The following AJAP1 variants were observed in gnomAD, a reference collection of about 807,000 sequenced individuals.
AJAP1 encodes the protein adherens junctions associated protein 1.
AJAP1 carries 5 observed loss-of-function variants against 35.0 expected under a neutral mutation model. The observed-to-expected ratio is 0.14, with a 90% CI of 0.07 to 0.30. AJAP1 has a LOEUF of 0.30. Among genes scored for constraint, AJAP1 ranks in the 10% least tolerant of loss-of-function variants. The pLI is 1.00. For missense variants in AJAP1, 586 were observed against 571.0 expected (o/e 1.03, Z -0.27); for synonymous variants, 284 against 249.3 (o/e 1.14, Z -1.31).
intron 2 of AJAP1, among the ~76,000 whole-genome samples, chr1:4,730,088 C>G (rs1458969893): frequency 6.6e-6 from 1 of 152,198 alleles, no homozygotes; most frequent in Non-Finnish European, 1.5e-5. Context: ...AGGTCCACAG[C>G]GTCCGCAGAG....
intron 2 of AJAP1, among the ~76,000 whole-genome samples, chr1:4,732,560 C>G (rs1354781101): frequency 6.6e-6 from 1 of 152,270 alleles, no homozygotes; most frequent in African/African-American, 2.4e-5. Flanking sequence ...CAGAATTGCA[C>G]TCTGCCTACA....
chr1:4,787,578 T>C lies in AJAP1; in HGVS notation c.*5093T>C. 1 of 420,554 alleles carries C rather than the reference T, an allele frequency of 2.4e-6. No homozygotes were observed. Among genetic ancestry groups the C allele is most frequent in the South Asian group, 1.7e-5 (1 of 58,984 alleles). The allele number at this position is 420,554 out of a possible 1,614,324, so 26.1% of individuals were successfully genotyped here. On this transcript the variant is annotated 3_prime_UTR_variant, in exon 6 of 6. Coordinates refer to ENST00000378191, the MANE Select transcript of AJAP1 (RefSeq NM_018836.4). ...GGTTCTCCACCAAATTCCTCTGTCA[T>C]TCCAGCAAGAGTGGAAGCAGAGGGG...
rs975906037 is a variant in AJAP1 at position 4,771,939 on chromosome 1, G to A, written c.918-341G>A. Among the ~76,000 whole-genome samples the A allele has an allele frequency of 4.6e-5, 7 of 152,222 alleles. No individual in the cohort carries two copies. The East Asian group carries it at 9.7e-4, about 21-fold the overall frequency. On this transcript the variant is annotated intron_variant, in intron 3 of 5. Coordinates refer to ENST00000378191, the MANE Select transcript of AJAP1 (RefSeq NM_018836.4). The stretch of plus-strand genomic sequence containing the variant: ...GACCCACCACAGCTTTTATCCCGTC[G>A]AGGCGTTCGTGGGGAAACTGAGTCA...
chr1:4,712,295 C>T lies in AJAP1; in HGVS notation c.425C>T (p.Ala142Val), dbSNP rs775807539. 14 of 1,495,912 alleles carry T rather than the reference C, an allele frequency of 9.4e-6. No individual in the cohort carries two copies. In the East Asian group the frequency reaches 2.2e-4, roughly 23 times the overall value. 92.7% of individuals were successfully genotyped at this position (1,495,912 alleles called of 1,614,324 possible). A position where few individuals can be genotyped will look rare whatever the true frequency, so the allele number is the denominator to read the frequency against. The change falls in exon 2 of 6, where the codon GCC becomes GTC. Residue 142 changes from alanine to valine, a missense_variant. Transcript: ENST00000378191. ...TCCTCGTCCTCGTCCTCCGCGGTGGCCGGTGGGGCCCCGGAGCAGCAGGCC... is the reference window on the plus strand; with the variant it reads ...TCCTCGTCCTCGTCCTCCGCGGTGGTCGGTGGGGCCCCGGAGCAGCAGGCC... Reference protein sequence around the residue: ...SSSSSSSSAVAGGAPEQQALL... With the variant: ...SSSSSSSSAVVGGAPEQQALL...
intron 2 of AJAP1, among the ~76,000 whole-genome samples, chr1:4,742,239 C>A (rs139480420): frequency 2.0e-4 from 30 of 152,286 alleles, no homozygotes; most frequent in Middle Eastern, 3.4e-3. Context: ...CAAGTCACCC[C>A]CTCTCCAGTA....
Position 4,712,004 on chromosome 1 carries a change from GC to G in AJAP1, c.137del (p.Pro46ArgfsTer107). 6.3e-7 allele frequency: 1 copy of G among 1,594,940 alleles called. No homozygotes were observed. The highest frequency in any genetic ancestry group is 2.3e-5 in the East Asian group (1 of 42,560). ...GACCTGCCCGCCTGTGAGGCCCTGG[GC>G]CCGGGGCCGGAGTTCTGGCTCCTGC... ...AVDLPACEAL[G>X]PGPEFWLLPR... On this transcript the variant is annotated frameshift_variant, in exon 2 of 6. Coordinates refer to ENST00000378191, the MANE Select transcript of AJAP1 (RefSeq NM_018836.4). LOFTEE classifies it high-confidence loss of function.
intron 2 of AJAP1, among the ~76,000 whole-genome samples, chr1:4,769,451 C>G (rs1225632393): frequency 5.9e-5 from 9 of 152,156 alleles, no homozygotes; most frequent in Non-Finnish European, 5.9e-5. Flanking sequence ...CGAGACTGGC[C>G]CAGGGTGTGA....
chr1:4,731,300 C>T (rs577231594), intron 2 of AJAP1, among the ~76,000 whole-genome samples: 15 of 152,212 alleles, frequency 9.9e-5, no homozygotes, highest in African/African-American at 3.1e-4. Context: ...AGGCTGGTCT[C>T]GAACTCTTGA....
rs984127608 is a variant in AJAP1 at position 4,692,728 on chromosome 1, G to A, written c.30-19172G>A. 1.3e-5 allele frequency among the ~76,000 whole-genome samples: 2 copies of A among 152,206 alleles called. No homozygotes were observed. Among genetic ancestry groups the A allele is most frequent in the Admixed American group, 1.3e-4 (2 of 15,288 alleles). ...CCAGGCTCAGCCAAGCAGAGATGAA[G>A]CCACCCTGGCACTCTGCTGTCCTCC... On this transcript the variant is annotated intron_variant, in intron 1 of 5. Coordinates refer to ENST00000378191, the MANE Select transcript of AJAP1 (RefSeq NM_018836.4). The surrounding 1 kb of genome is among the most constrained non-coding windows in gnomAD (Gnocchi z 4.4).
At chr1:4,758,594 C>T (rs897848948) in intron 2 of AJAP1, among the ~76,000 whole-genome samples, 12 of 152,162 alleles carry the variant, frequency 7.9e-5, no homozygotes, top group Admixed American at 5.2e-4. Flanking sequence ...ACCACCCCAA[C>T]CCCCATGATT....
At chr1:4,671,235 G>T (rs1050602271) in intron 1 of AJAP1, among the ~76,000 whole-genome samples, 2 of 152,126 alleles carry the variant, frequency 1.3e-5, no homozygotes, top group African/African-American at 4.8e-5. Context: ...AGGGCATGGT[G>T]GCAGGCGCCT....
rs553082607 is a variant in AJAP1, at chr1:4,750,676, C to T, written c.830-19177C>T. On this transcript the variant is annotated intron_variant, in intron 2 of 5. Coordinates refer to ENST00000378191, the MANE Select transcript of AJAP1 (RefSeq NM_018836.4). ...GGTGTGCTGGGATGGGCACAGTGAG[C>T]CTCAGAAATCTCCAGTGACACACCC... Among the ~76,000 whole-genome samples, 95 of 151,434 alleles carry T rather than the reference C, an allele frequency of 6.3e-4. 1 individual carries two copies. Among genetic ancestry groups the T allele is most frequent in the African/African-American group, 2.2e-3 (91 of 41,242 alleles).
chr1:4,668,614 A>AG (rs1405336189), intron 1 of AJAP1, among the ~76,000 whole-genome samples: 1 of 152,230 alleles, frequency 6.6e-6, no homozygotes, highest in African/African-American at 2.4e-5. Flanking sequence ...GTGGTGCCTG[A>AG]GGACTCCAAG....
chr1:4,715,358 C>T (rs535689018), intron 2 of AJAP1, among the ~76,000 whole-genome samples: 20 of 152,342 alleles, frequency 1.3e-4, no homozygotes, highest in Admixed American at 1.2e-3. Flanking sequence ...GGTCTCTCCT[C>T]TCCTGATTTT....
At chr1:4,726,474 T>G (rs1180630016) in intron 2 of AJAP1, among the ~76,000 whole-genome samples, 1 of 150,800 alleles carries the variant, frequency 6.6e-6, no homozygotes, top group Non-Finnish European at 1.5e-5. Flanking sequence ...GCTTCTGGGG[T>G]GGTGTGGGTG....
At chr1:4,730,370 G>C (rs1640769898) in intron 2 of AJAP1, among the ~76,000 whole-genome samples, 4 of 152,336 alleles carry the variant, frequency 2.6e-5, no homozygotes, top group Admixed American at 2.6e-4. Flanking sequence ...GCTCGGCACA[G>C]CTGTTCCAGA....
At chr1:4,747,667 AAGTCCAC>A (rs1043456502) in intron 2 of AJAP1, among the ~76,000 whole-genome samples, 1 of 152,186 alleles carries the variant, frequency 6.6e-6, no homozygotes, top group African/African-American at 2.4e-5. Flanking sequence ...GGCTGAGTCT[AAGTCCAC>A]AATTGCCGAC....
intron 1 of AJAP1, among the ~76,000 whole-genome samples, chr1:4,695,167 T>C (rs1201046041): frequency 6.6e-6 from 1 of 152,002 alleles, no homozygotes; most frequent in African/African-American, 2.4e-5. Context: ...GGAGTGGCCA[T>C]GTAGGGACTG....
chr1:4,709,967 A>G (rs1471393946), intron 1 of AJAP1, among the ~76,000 whole-genome samples: 2 of 152,134 alleles, frequency 1.3e-5, no homozygotes, highest in African/African-American at 4.8e-5. Context: ...ACCAGACACA[A>G]GGGTCTCAGT....
Sources: gnomAD v4.1 joint callset for allele counts (sites outside exome capture counted in the v4.1 genomes callset) on GRCh38, gnomAD v4.1.1 for gene constraint, Gnocchi (gnomAD v3.1) non-coding constraint, MANE v1.5 for transcripts, NCBI Gene and HGNC (gene_info 2026-07-23, HGNC 2026-07-21) for gene names.